SH3BP5: variants seen among roughly 807,000 people sequenced by gnomAD.
SH3BP5 encodes SH3 domain-binding protein 5.
A neutral mutation model predicts 43.3 loss-of-function variants in SH3BP5; 22 were observed. The ratio of observed to expected loss-of-function variants is 0.51; its 90% confidence interval spans 0.36 to 0.73. SH3BP5 has a LOEUF of 0.73. SH3BP5 is among the 30% of genes least tolerant of loss of function. The pLI is 0.00. For missense variants in SH3BP5, 529 were observed against 586.9 expected (o/e 0.90, Z 1.02); for synonymous variants, 255 against 225.8 (o/e 1.13, Z -1.16).
rs1697699169 is a variant in SH3BP5, at chr3:15,300,272, T to C, written c.330+3831A>G. 3.3e-5 allele frequency among the ~76,000 whole-genome samples: 5 copies of C among 152,338 alleles called. 1 individual carries two copies. The South Asian group carries it at 1.0e-3, about 32-fold the overall frequency. On this transcript the variant is annotated intron_variant, in intron 3 of 8. Transcript: ENST00000383791. ...ATGAAGCCGAAACCCAAGCTCATGC[T>C]GGGATTCCATTGTCAAACACATTAT...
At chr3:15,276,083 T>C (rs888293712) in intron 3 of SH3BP5, 6 of 146,452 alleles carry the variant, frequency 4.1e-5, no homozygotes, top group African/African-American at 1.5e-4. Context: ...CATTAGACAC[T>C]GTGACTATGA....
intron 7 of SH3BP5, 84 bp from the exon 8 acceptor site, chr3:15,257,197 C>G: frequency 7.1e-7 from 1 of 1,407,054 alleles, no homozygotes; most frequent in South Asian, 1.3e-5. Flanking sequence ...GGCAGCTAGA[C>G]ACAGCATGGG....
intron 3 of SH3BP5, among the ~76,000 whole-genome samples, chr3:15,291,252 C>T (rs1230594224): frequency 1.3e-5 from 2 of 152,166 alleles, no homozygotes; most frequent in Admixed American, 6.5e-5. Flanking sequence ...AGGCTACAGG[C>T]TAAGGAATGA....
At chr3:15,334,956 AATAT>A (rs201720436), upstream of SH3BP5, among the ~76,000 whole-genome samples, 1 of 151,040 alleles carries the variant, frequency 6.6e-6, no homozygotes. Context: ...TCTCAAAATA[AATAT>A]ATATATATAA....
At chr3:15,333,183 A>T (rs1698658723), upstream of SH3BP5, 8 of 985,342 alleles carry the variant, frequency 8.1e-6, no homozygotes, top group Non-Finnish European at 8.4e-6. Flanking sequence ...CCAAGAATTT[A>T]TGAATTAGTG....
In SH3BP5 at chr3:15,259,814, C is replaced by T. The variant is rs772141102; in HGVS notation, c.627-11G>A. On this transcript the variant is annotated splice_polypyrimidine_tract_variant and intron_variant, in intron 5 of 8. Coordinates refer to ENST00000383791, the MANE Select transcript of SH3BP5 (RefSeq NM_004844.5). The stretch of plus-strand genomic sequence containing the variant: ...AGTTCAAAATAAGGCCTGCAGAAGA[C>T]AGGAAGGAAAGCCATCAGAGTAATA... 1 of 1,613,558 alleles carries T rather than the reference C, an allele frequency of 6.2e-7. No individual in the cohort carries two copies. The highest frequency in any genetic ancestry group is 2.2e-5 in the East Asian group (1 of 44,890).
chr3:15,259,417 C>T, intron 6 of SH3BP5: 1 of 517,522 alleles, frequency 1.9e-6, no homozygotes, highest in South Asian at 2.1e-5. Context: ...GGTGTTAAGA[C>T]TCAGCTCACT....
In SH3BP5 at chr3:15,254,830, T is replaced by G. The variant is rs1294659268; in HGVS notation, c.*1256A>C. 1 of 152,188 alleles carries G rather than the reference T, an allele frequency of 6.6e-6. No homozygotes were observed. Among genetic ancestry groups the G allele is most frequent in the Non-Finnish European group, 1.5e-5 (1 of 68,032 alleles). 9.4% of individuals were successfully genotyped at this position (152,188 alleles called of 1,614,324 possible). A position where few individuals can be genotyped will look rare whatever the true frequency, so the allele number is the denominator to read the frequency against. ...TTTAGGCAATACTGGGAGTTCTTAT[T>G]TGAAGTCACAGAAAGGAGAAACTTT... On this transcript the variant is annotated 3_prime_UTR_variant, in exon 9 of 9. Coordinates refer to ENST00000383791, the MANE Select transcript of SH3BP5 (RefSeq NM_004844.5).
intron 7 of SH3BP5, chr3:15,258,579 T>C (rs2125041316): frequency 3.8e-6 from 2 of 529,802 alleles, no homozygotes; most frequent in Admixed American, 3.5e-5. Context: ...AATGTATACT[T>C]TGACTCTCAA....
At chr3:15,270,012 G>A in intron 3 of SH3BP5, 135 bp from the exon 4 acceptor site, 1 of 704,996 alleles carries the variant, frequency 1.4e-6, no homozygotes, top group East Asian at 2.8e-5. Flanking sequence ...GGCACCCACA[G>A]GTCCTCATAG....
intron 2 of SH3BP5, among the ~76,000 whole-genome samples, chr3:15,313,241 C>T (rs1698104090): frequency 6.6e-6 from 1 of 152,142 alleles, no homozygotes; most frequent in African/African-American, 2.4e-5. Context: ...GCTTGGGCAA[C>T]AAGAGCGAAA....
At chr3:15,259,317 G>C in intron 6 of SH3BP5, 1 of 559,520 alleles carries the variant, frequency 1.8e-6, no homozygotes, top group Non-Finnish European at 3.2e-6. Context: ...AAGCAAAAAT[G>C]GGCATCAGAC....
At chr3:15,304,980 T>C (rs1697860382) in intron 2 of SH3BP5, among the ~76,000 whole-genome samples, 1 of 151,516 alleles carries the variant, frequency 6.6e-6, no homozygotes, top group South Asian at 2.1e-4. Flanking sequence ...TAGCCGGGCA[T>C]AGTGGGGGAC....
intron 2 of SH3BP5, among the ~76,000 whole-genome samples, chr3:15,307,780 C>T (rs1317316526): frequency 6.6e-6 from 1 of 152,260 alleles, no homozygotes. Flanking sequence ...TCCTCACGGT[C>T]ACCTCCCTGG....
In SH3BP5 at chr3:15,256,220, C is replaced by CA; in HGVS notation, c.1233dup (p.Gly412TrpfsTer4). On this transcript the variant is annotated frameshift_variant, in exon 9 of 9. Coordinates refer to ENST00000383791, the MANE Select transcript of SH3BP5 (RefSeq NM_004844.5). LOFTEE classifies it low-confidence loss of function (END_TRUNC). Reference sequence around the variant, plus strand: ...GTGCTGCTTTGGCTCTTACTGCTGCCACCACTGCCACTGCTACTGCTGAGG... The same window carrying CA: ...GTGCTGCTTTGGCTCTTACTGCTGCCAACCACTGCCACTGCTACTGCTGAGG... The CA allele has an allele frequency of 6.2e-7, 1 of 1,614,042 alleles. No homozygotes were observed. The highest frequency in any genetic ancestry group is 1.1e-5 in the South Asian group (1 of 91,084).
intron 3 of SH3BP5, among the ~76,000 whole-genome samples, chr3:15,283,873 A>C (rs1697194768): frequency 6.6e-6 from 1 of 152,150 alleles, no homozygotes; most frequent in South Asian, 2.1e-4. Flanking sequence ...TGAAACCTCT[A>C]CTATATGCCA....
In SH3BP5 at chr3:15,300,425, G is replaced by A. The variant is rs6777366; in HGVS notation, c.330+3678C>T. On this transcript the variant is annotated intron_variant, in intron 3 of 8. Transcript: ENST00000383791. ...CTCCTGACTCAAACTAGAAGGAACT[G>A]CTATCTGAAGGAGTCTCTCAGGCAC... Among the ~76,000 whole-genome samples the A allele has an allele frequency of 3.2e-3, 485 of 151,912 alleles. 8 individuals carry two copies. The highest frequency in any genetic ancestry group is 0.011 in the African/African-American group (469 of 41,464).
chr3:15,304,368 A>G, intron 2 of SH3BP5, 137 bp from the exon 3 acceptor site: 2 of 1,332,928 alleles, frequency 1.5e-6, no homozygotes, highest in Non-Finnish European at 2.1e-6. Context: ...TTTACAAGAC[A>G]GTGTCTAGAG....
chr3:15,336,331 C>G (rs541819426), upstream of SH3BP5, among the ~76,000 whole-genome samples: 3 of 152,160 alleles, frequency 2.0e-5, no homozygotes, highest in East Asian at 5.8e-4. Flanking sequence ...CAGAGGCAAG[C>G]ATGTGGGTAG....
Sources: gnomAD v4.1 joint callset for allele counts (sites outside exome capture counted in the v4.1 genomes callset) on GRCh38, gnomAD v4.1.1 for gene constraint, MANE v1.5 for transcripts, NCBI Gene and HGNC (gene_info 2026-07-23, HGNC 2026-07-21) for gene names.